Variants in NXPH2 observed in about 807,000 individuals in gnomAD.
The protein encoded by NXPH2 is neurexophilin-2.
A neutral mutation model predicts 19.8 loss-of-function variants in NXPH2; 5 were observed. The ratio of observed to expected loss-of-function variants is 0.25; its 90% CI spans 0.13 to 0.53. NXPH2 has a LOEUF of 0.53. Ranked by LOEUF, NXPH2 falls within the 20% of genes least tolerant of loss-of-function variation. The pLI, the probability that NXPH2 is intolerant of heterozygous loss-of-function variation, is 0.96. For missense variants in NXPH2, 289 were observed against 322.8 expected (o/e 0.90, Z 0.80); for synonymous variants, 154 against 127.4 (o/e 1.21, Z -1.41).
At chr2:138,774,532 G>A (rs1240636693) in intron 1 of NXPH2, among the ~76,000 whole-genome samples, 1 of 152,062 alleles carries the variant, frequency 6.6e-6, no homozygotes, top group Non-Finnish European at 1.5e-5. Flanking sequence ...CAGAACCCCT[G>A]TTACAACATA....
At chr2:138,694,123 A>G (rs1241314011) in intron 1 of NXPH2, among the ~76,000 whole-genome samples, 1 of 152,174 alleles carries the variant, frequency 6.6e-6, no homozygotes, top group East Asian at 1.9e-4. Context: ...AAAAAACTGT[A>G]ACCAGCCAAA....
intron 1 of NXPH2, among the ~76,000 whole-genome samples, chr2:138,686,715 C>T (rs764838643): frequency 4.3e-4 from 65 of 152,260 alleles, no homozygotes; most frequent in African/African-American, 7.9e-4. Flanking sequence ...TCCCACCCCA[C>T]AACAGGCCCC....
chr2:138,778,210 G>GGCA (rs1682295837), intron 1 of NXPH2, among the ~76,000 whole-genome samples: 1 of 152,206 alleles, frequency 6.6e-6, no homozygotes. Flanking sequence ...CCGAAGGGAT[G>GGCA]GCAGCGTAAG....
rs905999619 is a variant in NXPH2 at position 138,780,375 on chromosome 2, C to T, written c.-134G>A. On this transcript the variant is annotated 5_prime_UTR_variant, in exon 1 of 2. Transcript: ENST00000272641. ...CCCTCCCGGAATCCGAGCGCTGCGC[C>T]GTGCCGCGCAGCTCTGGCCGGGTGG... is the stretch of plus-strand genomic sequence containing the variant. The T allele has an allele frequency of 1.2e-4, 28 of 228,768 alleles. No homozygotes were observed. The highest frequency in any genetic ancestry group is 7.2e-4 in the African/African-American group (26 of 36,144). 14.2% of individuals were successfully genotyped at this position (228,768 alleles called of 1,614,324 possible). A position where few individuals can be genotyped will look rare whatever the true frequency, so the allele number is the denominator to read the frequency against.
rs11299940 is a variant in NXPH2, at chr2:138,777,831, T to TAAAAAAAAAAAA, written c.51+2348_51+2359dup. Among the ~76,000 whole-genome samples the TAAAAAAAAAAAA allele has an allele frequency of 2.2e-4, 20 of 92,950 alleles. 1 individual carries two copies. Among genetic ancestry groups the TAAAAAAAAAAAA allele is most frequent in the Non-Finnish European group, 2.8e-4 (14 of 50,078 alleles). 61.0% of individuals were successfully genotyped at this position (92,950 alleles called of 152,430 possible). On this transcript the variant is annotated intron_variant, in intron 1 of 1. Transcript: ENST00000272641. ...CTTCACTCCTCCCTCACCAAAAAAT[T>TAAAAAAAAAAAA]AAAAAAAAAAAAAAAAAAAAAAAGC...
chr2:138,736,432 C>T (rs554659586), intron 1 of NXPH2, among the ~76,000 whole-genome samples: 9 of 152,342 alleles, frequency 5.9e-5, no homozygotes, highest in African/African-American at 2.2e-4. Flanking sequence ...CCATGGTCCA[C>T]GCTCTACATT....
At chr2:138,695,718 A>G (rs1303732018) in intron 1 of NXPH2, among the ~76,000 whole-genome samples, 1 of 152,196 alleles carries the variant, frequency 6.6e-6, no homozygotes, top group Non-Finnish European at 1.5e-5. Flanking sequence ...TGTCAGATAA[A>G]GAGATTTTAC....
At chr2:138,755,988 C>T (rs994279155) in intron 1 of NXPH2, among the ~76,000 whole-genome samples, 1 of 151,946 alleles carries the variant, frequency 6.6e-6, no homozygotes, top group Admixed American at 6.6e-5. Flanking sequence ...TACTGGTATA[C>T]AGGAAACAAA....
intron 1 of NXPH2, among the ~76,000 whole-genome samples, chr2:138,738,178 G>C (rs1379988982): frequency 1.3e-5 from 2 of 151,080 alleles, no homozygotes; most frequent in Non-Finnish European, 2.9e-5. Context: ...CGTAGAAACA[G>C]TCTAGTGTAA....
At chr2:138,772,862 T>C (rs1191169293) in intron 1 of NXPH2, among the ~76,000 whole-genome samples, 1 of 152,188 alleles carries the variant, frequency 6.6e-6, no homozygotes. Context: ...CTACAGTCTG[T>C]CTCTGAAACC....
intron 1 of NXPH2, among the ~76,000 whole-genome samples, chr2:138,746,226 T>C (rs1218569430): frequency 1.3e-5 from 2 of 152,210 alleles, no homozygotes; most frequent in African/African-American, 2.4e-5. Context: ...CCTGGGTACC[T>C]ATGGAGACTT....
At chr2:138,725,472 G>A (rs1204158579) in intron 1 of NXPH2, among the ~76,000 whole-genome samples, 1 of 152,228 alleles carries the variant, frequency 6.6e-6, no homozygotes, top group African/African-American at 2.4e-5. Flanking sequence ...TTTCTCACAT[G>A]AGTGTCGGAT....
intron 1 of NXPH2, among the ~76,000 whole-genome samples, chr2:138,716,764 C>T (rs1303833365): frequency 6.6e-6 from 1 of 152,126 alleles, no homozygotes; most frequent in African/African-American, 2.4e-5. Context: ...GGAAAAAATA[C>T]TGGGTTTAAG....
chr2:138,684,487 A>T (rs1680620012), intron 1 of NXPH2, among the ~76,000 whole-genome samples: 1 of 152,182 alleles, frequency 6.6e-6, no homozygotes, highest in South Asian at 2.1e-4. Flanking sequence ...TTCTATCTGT[A>T]ATATAAATGA....
At chr2:138,677,434 G>A (rs528697194) in intron 1 of NXPH2, among the ~76,000 whole-genome samples, 1 of 152,156 alleles carries the variant, frequency 6.6e-6, no homozygotes, top group Non-Finnish European at 1.5e-5. Flanking sequence ...TAGATACAAT[G>A]ATATCATATT....
intron 1 of NXPH2, among the ~76,000 whole-genome samples, chr2:138,684,865 G>A (rs1215097374): frequency 6.6e-6 from 1 of 152,138 alleles, no homozygotes; most frequent in Non-Finnish European, 1.5e-5. Flanking sequence ...AGTCCAGGCT[G>A]GCAATATTAC....
chr2:138,712,322 A>G (rs1681118030), intron 1 of NXPH2, among the ~76,000 whole-genome samples: 1 of 152,218 alleles, frequency 6.6e-6, no homozygotes, highest in African/African-American at 2.4e-5. Flanking sequence ...TGTGGAATCA[A>G]ACCAAACTGC....
At chr2:138,671,917 T>C (rs1013322767) in intron 1 of NXPH2, among the ~76,000 whole-genome samples, 1 of 152,214 alleles carries the variant, frequency 6.6e-6, no homozygotes, top group African/African-American at 2.4e-5. Flanking sequence ...GTTGATGTGA[T>C]TTTAGTCTCT....
intron 1 of NXPH2, among the ~76,000 whole-genome samples, chr2:138,754,886 A>G (rs954355922): frequency 7.2e-5 from 11 of 152,076 alleles, no homozygotes; most frequent in Non-Finnish European, 1.2e-4. Context: ...TGGTATTGTT[A>G]GATTTTGGTG....
Sources: allele counts gnomAD v4.1 joint callset (sites outside exome capture counted in the v4.1 genomes callset), GRCh38; gene constraint gnomAD v4.1.1; transcripts MANE v1.5; gene names NCBI Gene and HGNC (gene_info 2026-07-23, HGNC 2026-07-21).